The following NDEL1 variants were observed in gnomAD, a reference collection of about 807,000 sequenced individuals.
The protein encoded by NDEL1 is nuclear distribution protein nudE-like 1.
A neutral mutation model predicts 45.7 loss-of-function variants in NDEL1; 9 were observed. The ratio of observed to expected loss-of-function variants is 0.20; its 90% CI spans 0.12 to 0.34. The LOEUF (loss-of-function observed/expected upper bound fraction) is 0.34, where lower values mean the gene tolerates loss of function less well. Ranked by LOEUF, NDEL1 falls within the 10% of genes least tolerant of loss-of-function variation. NDEL1 has a pLI of 1.00. For missense variants in NDEL1, 306 were observed against 406.2 expected, an observed-to-expected ratio of 0.75 and a Z score of 2.12; for synonymous variants, 133 against 158.6, an observed-to-expected ratio of 0.84 and a Z score of 1.21.
rs539848441 is a variant in NDEL1 at position 8,415,982 on chromosome 17, C to T, written c.-13+2713C>T. Among the ~76,000 whole-genome samples, 4 of 152,210 alleles carry T rather than the reference C, an allele frequency of 2.6e-5. No individual in the cohort carries two copies. In the East Asian group the frequency reaches 5.8e-4, roughly 22 times the overall value. ...CAGGCTGGTCTTGAACACCTGACCT[C>T]GTGATCCACCCGTCTCCGCCTCCCA... On this transcript the variant is annotated intron_variant, in intron 1 of 4. Transcript: ENST00000582812.
At chr17:8,444,103 T>G in intron 1 of NDEL1, 157 bp from the exon 2 acceptor site, 2 of 560,614 alleles carry the variant, frequency 3.6e-6, no homozygotes, top group Non-Finnish European at 6.3e-6. Context: ...AGCAGTGGAG[T>G]GATTGACGTG....
In NDEL1 at chr17:8,454,836, T is replaced by A; in HGVS notation, c.741T>A (p.Ser247=). The part of the protein sequence containing the change: ...NGFGTSPLTP[S]ARISALNIVG... ...TTGGTACCAGTCCACTAACTCCCTC[T>A]GCTAGGATATCAGCACTAAACATCG... The change falls in exon 7 of 9, where the codon TCT becomes TCA. Residue 247 remains serine, a synonymous_variant. Transcript: ENST00000334527. 1 of 1,614,030 alleles carries A rather than the reference T, an allele frequency of 6.2e-7. No individual in the cohort carries two copies. The highest frequency in any genetic ancestry group is 8.5e-7 in the Non-Finnish European group (1 of 1,179,954).
At chr17:8,433,026 T>C (rs1245487373), upstream of NDEL1, among the ~76,000 whole-genome samples, 1 of 152,004 alleles carries the variant, frequency 6.6e-6, no homozygotes, top group Non-Finnish European at 1.5e-5. Flanking sequence ...ACTACTTCCA[T>C]CTCTTGGTAG....
chr17:8,444,318 C>T lies in NDEL1; in HGVS notation c.47C>T (p.Thr16Ile), dbSNP rs773652574. 36 of 1,613,328 alleles carry T rather than the reference C, an allele frequency of 2.2e-5. No homozygotes were observed. The highest frequency in any genetic ancestry group is 3.1e-5 in the Non-Finnish European group (36 of 1,179,630). The change falls in exon 2 of 9, where the codon ACT (threonine) becomes ATT (isoleucine). Residue 16 changes from threonine (T) to isoleucine (I), a missense_variant. Thr to Ile is a moderately conservative substitution (Grantham distance 89). Transcript: ENST00000334527. Reference protein sequence around the residue: ...IPDFSSLKEETAYWKELSLKY... With the variant: ...IPDFSSLKEEIAYWKELSLKY... ...GATTTTTCAAGTTTAAAGGAGGAAACTGCTTATTGGAAGGAACTTTCCTTG... is the reference window on the plus strand; with the variant it reads ...GATTTTTCAAGTTTAAAGGAGGAAATTGCTTATTGGAAGGAACTTTCCTTG...
At position 8,446,816 on chromosome 17, in the gene NDEL1, A is replaced by G; in HGVS notation, c.303A>G (p.Leu101=). Residue 101 remains leucine (L), a synonymous_variant, in exon 4 of 9, where the codon TTA becomes TTG. Transcript: ENST00000334527. The part of the protein sequence containing the change: ...YKQVSVLEDD[L]SQTRAIKEQL... ...AGGTCTCAGTGTTAGAAGATGATTT[A>G]AGTCAGACTCGGGCCATTAAGGAGC... The G allele has an allele frequency of 1.2e-6, 2 of 1,614,194 alleles. No homozygotes were observed. The highest frequency in any genetic ancestry group is 2.2e-5 in the South Asian group (2 of 91,076).
chr17:8,450,722 C>G, intron 5 of NDEL1, 58 bp from the exon 6 acceptor site: 2 of 1,446,382 alleles, frequency 1.4e-6, no homozygotes, highest in South Asian at 1.4e-5. Context: ...TGTCACTTTG[C>G]TTGATATATT....
chr17:8,444,404 C>A, intron 2 of NDEL1, 47 bp downstream of exon 2: 1 of 1,229,768 alleles, frequency 8.1e-7, no homozygotes, highest in Non-Finnish European at 1.2e-6. Context: ...ATTTGGAATA[C>A]ACCGTGTCTT....
intron 1 of NDEL1, among the ~76,000 whole-genome samples, chr17:8,440,707 A>G (rs570088330): frequency 6.6e-6 from 1 of 152,330 alleles, no homozygotes; most frequent in African/African-American, 2.4e-5. Context: ...TGTATTAAGA[A>G]TATGTCCCTG....
chr17:8,458,895 T>C (rs1323166986), intron 7 of NDEL1, among the ~76,000 whole-genome samples: 4 of 152,018 alleles, frequency 2.6e-5, no homozygotes, highest in African/African-American at 9.7e-5. Context: ...CCCAGCTAAT[T>C]TTTTTATTTT....
At position 8,446,748 on chromosome 17, in the gene NDEL1, C is replaced by T; in HGVS notation, c.241-6C>T. On this transcript the variant is annotated splice_polypyrimidine_tract_variant and splice_region_variant and intron_variant, in intron 3 of 8. Transcript: ENST00000334527. The stretch of plus-strand genomic sequence containing the variant: ...GACATGTACTTTCCTATACTGATGC[C>T]CTCAGGAGAAGCTAGAGCATCAATA... The T allele has an allele frequency of 1.2e-6, 2 of 1,613,912 alleles. No homozygotes were observed. Among genetic ancestry groups the T allele is most frequent in the Non-Finnish European group, 1.7e-6 (2 of 1,179,938 alleles).
intron 1 of NDEL1, among the ~76,000 whole-genome samples, chr17:8,439,978 T>G (rs565919198): frequency 6.6e-6 from 1 of 152,214 alleles, no homozygotes; most frequent in Non-Finnish European, 1.5e-5. Context: ...CAGGTCTGAC[T>G]TCAGACTTGG....
At chr17:8,449,013 C>T (rs1474844298) in intron 5 of NDEL1, among the ~76,000 whole-genome samples, 1 of 152,222 alleles carries the variant, frequency 6.6e-6, no homozygotes. Flanking sequence ...GACGAAGTCT[C>T]GTACTTTCAC....
chr17:8,471,057 C>G (rs914193753), downstream of NDEL1, among the ~76,000 whole-genome samples: 2 of 152,218 alleles, frequency 1.3e-5, no homozygotes, highest in Non-Finnish European at 2.9e-5. Flanking sequence ...TGCCTTGTCT[C>G]GTGTGTTGGT....
At chr17:8,460,308 C>T in intron 8 of NDEL1, 148 bp downstream of exon 8, 1 of 818,684 alleles carries the variant, frequency 1.2e-6, no homozygotes, top group South Asian at 1.9e-5. Context: ...GACATGACGT[C>T]TGTTGTTGTC....
chr17:8,435,281 CCATT>C (rs74987628), upstream of NDEL1, among the ~76,000 whole-genome samples: 140,051 of 151,894 alleles, frequency 0.92, 65,631 homozygotes, highest in East Asian at 1. Context: ...GCCAACGAAT[CCATT>C]CATTCATTCA....
chr17:8,444,836 G>A (rs1008086913), intron 2 of NDEL1: 4 of 152,256 alleles, frequency 2.6e-5, no homozygotes, highest in Admixed American at 1.3e-4. Context: ...CAGTTATTTG[G>A]TTGGGAGAAC....
chr17:8,443,403 C>T (rs1909885782), intron 1 of NDEL1, among the ~76,000 whole-genome samples: 1 of 152,064 alleles, frequency 6.6e-6, no homozygotes, highest in African/African-American at 2.4e-5. Context: ...TAGTAGTTTT[C>T]CTATTTAGGG....
At chr17:8,469,473 C>G (rs1017526043), downstream of NDEL1, among the ~76,000 whole-genome samples, 2 of 152,274 alleles carry the variant, frequency 1.3e-5, no homozygotes, top group African/African-American at 4.8e-5. Flanking sequence ...GCTGGTCACT[C>G]AGTTGATAGC....
chr17:8,429,055 G>A (rs574079854), intron 1 of NDEL1, among the ~76,000 whole-genome samples: 3 of 152,148 alleles, frequency 2.0e-5, no homozygotes, highest in African/African-American at 7.2e-5. Flanking sequence ...GATTATAGAC[G>A]CTATGGCCTG....
Sources: allele counts gnomAD v4.1 joint callset (sites outside exome capture counted in the v4.1 genomes callset), GRCh38; gene constraint gnomAD v4.1.1; transcripts MANE v1.5; gene names NCBI Gene and HGNC (gene_info 2026-07-23, HGNC 2026-07-21).